Variants in HSD17B14 observed in about 807,000 individuals in gnomAD.
HSD17B14 encodes the protein hydroxysteroid 17-beta dehydrogenase 14, also known as L-fucose dehydrogenase.
In HSD17B14, 32 loss-of-function variants were observed where a neutral mutation model predicts 32.2. That is an observed-to-expected ratio of 0.99 (90% CI 0.75 to 1.33). The LOEUF is 1.33. Among genes scored for constraint, HSD17B14 ranks in the 40% most tolerant of loss-of-function variants. The pLI is 0.00. For synonymous variants in HSD17B14, 140 were observed against 155.4 expected, an observed-to-expected ratio of 0.90 and a Z score of 0.74; for missense variants, 370 against 366.5, an observed-to-expected ratio of 1.01 and a Z score of -0.08.
intron 5 of HSD17B14, among the ~76,000 whole-genome samples, chr19:48,831,046 A>G (rs1035753156): frequency 4.0e-5 from 6 of 151,796 alleles, no homozygotes; most frequent in Non-Finnish European, 8.8e-5. Flanking sequence ...GTATTGCCCC[A>G]GCTGTCTTGA....
chr19:48,816,779 T>TTTTCTTTCTTTCTTTC (rs368394306), intron 5 of HSD17B14, among the ~76,000 whole-genome samples: 15,035 of 121,980 alleles, frequency 0.12, 1,254 homozygotes, highest in Middle Eastern at 0.17. Context: ...GCAAGACCCT[T>TTTTCTTTCTTTCTTTC]TTTCTTTCTT....
intron 5 of HSD17B14, among the ~76,000 whole-genome samples, chr19:48,816,779 T>TTTTCTTTATTTCTTTCTTTCTTTCTTTC (rs1555775883): frequency 8.2e-6 from 1 of 122,180 alleles, no homozygotes; most frequent in Non-Finnish European, 1.7e-5. Context: ...GCAAGACCCT[T>TTTTCTTTATTTCTTTCTTTCTTTCTTTC]TTTCTTTCTT....
At chr19:48,834,413 T>C (rs568052034) in intron 2 of HSD17B14, 55 bp from the exon 3 acceptor site, 46,381 of 1,042,802 alleles carry the variant, frequency 0.044, 1,596 homozygotes, top group South Asian at 0.052. Context: ...GGAGGAGGGG[T>C]TGGGGACTTG....
At position 48,813,092 on chromosome 19, in the gene HSD17B14, G is replaced by A. The variant is rs2034987139; in HGVS notation, c.*83C>T. The A allele has an allele frequency of 2.3e-6, 2 of 885,556 alleles. No individual in the cohort carries two copies. The highest frequency in any genetic ancestry group is 3.5e-6 in the Non-Finnish European group (2 of 574,150). The allele number at this position is 885,556 out of a possible 1,614,324, so 54.9% of individuals were successfully genotyped here. ...TTGCTAACTGGGCTTAGAGTCTAAG[G>A]GCTTGGGGGCTGCATCTGATACAGG... is the stretch of plus-strand genomic sequence containing the variant. On this transcript the variant is annotated 3_prime_UTR_variant, in exon 9 of 9. Transcript: ENST00000263278.
intron 5 of HSD17B14, among the ~76,000 whole-genome samples, chr19:48,822,831 G>A (rs534505749): frequency 6.6e-6 from 1 of 151,544 alleles, no homozygotes; most frequent in Non-Finnish European, 1.5e-5. Flanking sequence ...GGTAATGATG[G>A]TGGTGAAGAT....
chr19:48,813,035 T>G lies in HSD17B14; in HGVS notation c.*140A>C. 2 of 550,862 alleles carry G rather than the reference T, an allele frequency of 3.6e-6. No individual in the cohort carries two copies. Among genetic ancestry groups the G allele is most frequent in the Non-Finnish European group, 3.3e-6 (1 of 305,908 alleles). 34.1% of individuals were successfully genotyped at this position (550,862 alleles called of 1,614,324 possible). On this transcript the variant is annotated 3_prime_UTR_variant, in exon 9 of 9. Transcript: ENST00000263278. ...CCTCCTCCTTCTGGCTGCAAATCGT[T>G]TTTATGGGAACCTGCAGGGTGACCC...
In HSD17B14 at chr19:48,813,562, G is replaced by A; in HGVS notation, c.543-10C>T. On this transcript the variant is annotated splice_polypyrimidine_tract_variant and intron_variant, in intron 7 of 8. Transcript: ENST00000263278. Reference sequence around the variant, plus strand: ...GTTTCCTGGGGAGATACTAGAGGAAGGGAGAGGGGGGATCAAAGCAATCTG... The same window carrying A: ...GTTTCCTGGGGAGATACTAGAGGAAAGGAGAGGGGGGATCAAAGCAATCTG... 1 of 1,613,636 alleles carries A rather than the reference G, an allele frequency of 6.2e-7. No homozygotes were observed. Among genetic ancestry groups the A allele is most frequent in the Non-Finnish European group, 8.5e-7 (1 of 1,179,572 alleles).
chr19:48,827,029 C>T (rs2035262516), intron 5 of HSD17B14, among the ~76,000 whole-genome samples: 2 of 151,484 alleles, frequency 1.3e-5, no homozygotes, highest in African/African-American at 4.8e-5. Flanking sequence ...GTGGGGAGAA[C>T]AAACCTAAAA....
At chr19:48,816,778 T>TC in intron 5 of HSD17B14, among the ~76,000 whole-genome samples, 1 of 140,380 alleles carries the variant, frequency 7.1e-6, no homozygotes, top group Non-Finnish European at 1.5e-5. Flanking sequence ...AGCAAGACCC[T>TC]TTTTCTTTCT....
Position 48,813,663 on chromosome 19 carries a change from C to T in HSD17B14, c.542G>A (p.Cys181Tyr). Reference protein sequence around the residue: ...DESPYGVRVNCISPGNIWTPL... With the variant: ...DESPYGVRVNYISPGNIWTPL... ...TCTCCGCCTGCTCAGAGCAGCTCACCAGTTGACTCGGACACCATATGGACT... is the reference window on the plus strand; with the variant it reads ...TCTCCGCCTGCTCAGAGCAGCTCACTAGTTGACTCGGACACCATATGGACT... Residue 181 changes from cysteine (C) to tyrosine (Y), a missense_variant and splice_region_variant, in exon 7 of 9, where the codon TGT becomes TAT. Transcript: ENST00000263278. 1 of 1,614,192 alleles carries T rather than the reference C, an allele frequency of 6.2e-7. No individual in the cohort carries two copies. Among genetic ancestry groups the T allele is most frequent in the Non-Finnish European group, 8.5e-7 (1 of 1,180,020 alleles).
At chr19:48,831,517 T>A in intron 5 of HSD17B14, 151 bp downstream of exon 5, 1 of 636,672 alleles carries the variant, frequency 1.6e-6, no homozygotes, top group Non-Finnish European at 2.9e-6. Flanking sequence ...CACACCACTG[T>A]CCTCCAGCCT....
chr19:48,834,346 C>T lies in HSD17B14; in HGVS notation c.140G>A (p.Arg47Gln), dbSNP rs753668508. 1.4e-5 allele frequency: 22 copies of T among 1,613,586 alleles called. No homozygotes were observed. The highest frequency in any genetic ancestry group is 8.8e-5 in the South Asian group (8 of 91,074). Residue 47 changes from arginine to glutamine, a missense_variant, in exon 3 of 9, where the codon CGG (arginine) becomes CAG (glutamine). Coordinates refer to ENST00000263278, the MANE Select transcript of HSD17B14 (RefSeq NM_016246.3). ...VICDKDESGG[R>Q]ALEQELPGAV... ...TCCAGGGAGCTCCTGCTCCAGGGCC[C>T]GGCCCCCAGACTCTGCAGGGAGAGA...
At chr19:48,821,234 C>T (rs955141080) in intron 5 of HSD17B14, among the ~76,000 whole-genome samples, 2 of 152,010 alleles carry the variant, frequency 1.3e-5, no homozygotes, top group Non-Finnish European at 2.9e-5. Context: ...AGGATGGTCT[C>T]GATCTCCCGA....
At chr19:48,831,821 T>G in intron 4 of HSD17B14, 62 bp from the exon 5 acceptor site, 1 of 962,222 alleles carries the variant, frequency 1.0e-6, no homozygotes, top group Non-Finnish European at 1.7e-6. Flanking sequence ...TGCCCACGCC[T>G]GTAATCCCAG....
chr19:48,820,487 G>T (rs564390945), intron 5 of HSD17B14, among the ~76,000 whole-genome samples: 14 of 151,604 alleles, frequency 9.2e-5, no homozygotes, highest in African/African-American at 3.4e-4. Context: ...AAAGAATGTT[G>T]CCTGGCTTGG....
At chr19:48,815,948 G>A (rs1455184015) in intron 5 of HSD17B14, among the ~76,000 whole-genome samples, 4 of 150,824 alleles carry the variant, frequency 2.7e-5, no homozygotes, top group Non-Finnish European at 4.4e-5. Flanking sequence ...TTGAACCCGG[G>A]AGGTGGAGGT....
intron 5 of HSD17B14, among the ~76,000 whole-genome samples, chr19:48,829,860 C>T (rs2035308465): frequency 6.6e-6 from 1 of 151,622 alleles, no homozygotes; most frequent in African/African-American, 2.4e-5. Flanking sequence ...TCAGGCTGGT[C>T]TCAAACTCCC....
chr19:48,818,937 G>C (rs747976735), intron 5 of HSD17B14, among the ~76,000 whole-genome samples: 1 of 152,162 alleles, frequency 6.6e-6, no homozygotes, highest in Non-Finnish European at 1.5e-5. Context: ...GCCAGATCAC[G>C]AGGCCTTGAA....
chr19:48,813,075 T>G lies in HSD17B14; in HGVS notation c.*100A>C. On this transcript the variant is annotated 3_prime_UTR_variant, in exon 9 of 9. Transcript: ENST00000263278. ...CAGGGTGACCCGGCACCTTGCTAACTGGGCTTAGAGTCTAAGGGCTTGGGG... is the reference window on the plus strand; with the variant it reads ...CAGGGTGACCCGGCACCTTGCTAACGGGGCTTAGAGTCTAAGGGCTTGGGG... 11 of 709,812 alleles carry G rather than the reference T, an allele frequency of 1.5e-5. No homozygotes were observed. In the South Asian group the frequency reaches 2.4e-4, roughly 16 times the overall value. The allele number at this position is 709,812 out of a possible 1,614,324, so 44.0% of individuals were successfully genotyped here.
Sources: allele counts gnomAD v4.1 joint callset (sites outside exome capture counted in the v4.1 genomes callset), GRCh38; gene constraint gnomAD v4.1.1; transcripts MANE v1.5; gene names NCBI Gene and HGNC (gene_info 2026-07-23, HGNC 2026-07-21).